Variants in SIK2 observed in about 807,000 individuals in gnomAD.
The protein encoded by SIK2 is salt inducible kinase 2.
SIK2 carries 29 observed loss-of-function variants against 103.2 expected under a neutral mutation model. The observed-to-expected ratio is 0.28, with a 90% confidence interval of 0.21 to 0.38. The LOEUF is 0.38. Among genes scored for constraint, SIK2 ranks in the 10% least tolerant of loss-of-function variants. SIK2 has a pLI of 1.00. For missense variants in SIK2, 879 were observed against 1,171.0 expected, an observed-to-expected ratio of 0.75 and a Z score of 3.64; for synonymous variants, 412 against 446.1, an observed-to-expected ratio of 0.92 and a Z score of 0.96.
chr11:111,657,439 A>T (rs1170842746), intron 3 of SIK2, among the ~76,000 whole-genome samples: 1 of 151,888 alleles, frequency 6.6e-6, no homozygotes, highest in Non-Finnish European at 1.5e-5. Flanking sequence ...GCCCAGGCTG[A>T]AGTGCAGTGG....
intron 1 of SIK2, among the ~76,000 whole-genome samples, chr11:111,612,970 G>A (rs1435426013): frequency 7.2e-6 from 1 of 138,648 alleles, no homozygotes; most frequent in Non-Finnish European, 1.5e-5. Flanking sequence ...GATCATAGAT[G>A]GATAAAGTCT....
chr11:111,658,062 A>T (rs12360825), intron 3 of SIK2, among the ~76,000 whole-genome samples: 93,865 of 150,946 alleles, frequency 0.62, 32,068 homozygotes, highest in East Asian at 0.96. Context: ...AGATGATTTT[A>T]ATTTACTTAT....
At chr11:111,678,784 A>T (rs1194929548) in intron 3 of SIK2, among the ~76,000 whole-genome samples, 1 of 152,228 alleles carries the variant, frequency 6.6e-6, no homozygotes, top group Non-Finnish European at 1.5e-5. Context: ...CAGGAAAAAA[A>T]AATTGCTATG....
intron 1 of SIK2, among the ~76,000 whole-genome samples, chr11:111,610,486 T>TAA (rs373176733): frequency 1.8e-5 from 2 of 108,522 alleles, no homozygotes; most frequent in Non-Finnish European, 3.9e-5. Flanking sequence ...AGACTCTGTC[T>TAA]AAAAAAAAAA....
At chr11:111,651,011 CTT>C (rs1283766497) in intron 3 of SIK2, among the ~76,000 whole-genome samples, 1 of 152,054 alleles carries the variant, frequency 6.6e-6, no homozygotes, top group Non-Finnish European at 1.5e-5. Context: ...GGACCTCTGT[CTT>C]TTAGGAGCAC....
chr11:111,637,393 G>A, intron 3 of SIK2, among the ~76,000 whole-genome samples: 1 of 144,998 alleles, frequency 6.9e-6, no homozygotes, highest in South Asian at 2.2e-4. Context: ...GTGCAGATTT[G>A]TTACATAGGT....
chr11:111,663,613 C>T (rs1479969457), intron 3 of SIK2, among the ~76,000 whole-genome samples: 1 of 152,156 alleles, frequency 6.6e-6, no homozygotes, highest in Non-Finnish European at 1.5e-5. Flanking sequence ...GTTACTTTGA[C>T]TTCTGTGTGG....
At position 111,602,456 on chromosome 11, in the gene SIK2, G is replaced by A; in HGVS notation, c.-108G>A. On this transcript the variant is annotated 5_prime_UTR_variant, in exon 1 of 15. Transcript: ENST00000304987. The surrounding 1 kb of genome is among the most constrained non-coding windows in gnomAD (Gnocchi z 4.5). ...CCCTGGGGAGCGGGAGGGAAGGAGC[G>A]AAGGAGCGAAGGAGCAAGCGGAGCG... The A allele has an allele frequency of 8.0e-7, 1 of 1,243,676 alleles. No individual in the cohort carries two copies. The highest frequency in any genetic ancestry group is 3.9e-5 in the Admixed American group (1 of 25,678). 77.0% of individuals were successfully genotyped at this position (1,243,676 alleles called of 1,614,324 possible).
At chr11:111,719,505 A>C (rs917309688) in intron 9 of SIK2, among the ~76,000 whole-genome samples, 2 of 152,164 alleles carry the variant, frequency 1.3e-5, no homozygotes, top group Middle Eastern at 3.4e-3. Context: ...AAACCACTAA[A>C]AAAGTTGTTT....
At chr11:111,684,009 C>T (rs542767104) in intron 3 of SIK2, among the ~76,000 whole-genome samples, 8 of 152,108 alleles carry the variant, frequency 5.3e-5, no homozygotes, top group Non-Finnish European at 1.0e-4. Context: ...GAATGCCTGC[C>T]GAGATTTTCA....
chr11:111,646,796 AT>A (rs1565329288), intron 3 of SIK2, among the ~76,000 whole-genome samples: 2 of 152,218 alleles, frequency 1.3e-5, no homozygotes, highest in African/African-American at 4.8e-5. Context: ...TCTGTGATTC[AT>A]TCCTTTTTAT....
chr11:111,655,395 C>G (rs1269770450), intron 3 of SIK2, among the ~76,000 whole-genome samples: 1 of 152,194 alleles, frequency 6.6e-6, no homozygotes, highest in African/African-American at 2.4e-5. Flanking sequence ...CAGAGCGAGA[C>G]TCTGTCTCAA....
chr11:111,726,038 C>A lies in SIK2; in HGVS notation c.*1909C>A, dbSNP rs1943954499. ...ATTGATGATTTCGTGAAATAAAGAA[C>A]ATCATTTCATTTAAGAGATCATTTC... On this transcript the variant is annotated 3_prime_UTR_variant, in exon 15 of 15. Transcript: ENST00000304987. 6.6e-6 allele frequency: 1 copy of A among 152,194 alleles called. No homozygotes were observed. The highest frequency in any genetic ancestry group is 1.5e-5 in the Non-Finnish European group (1 of 68,032). The allele number at this position is 152,194 out of a possible 1,614,324, so 9.4% of individuals were successfully genotyped here.
intron 3 of SIK2, among the ~76,000 whole-genome samples, chr11:111,646,758 T>C (rs1315067112): frequency 2.6e-5 from 4 of 152,378 alleles, no homozygotes; most frequent in Admixed American, 2.6e-4. Context: ...GCATAACTTT[T>C]CGAGATTCAT....
At chr11:111,720,794 C>A in intron 11 of SIK2, 32 bp downstream of exon 11, 1 of 1,569,258 alleles carries the variant, frequency 6.4e-7, no homozygotes, top group Non-Finnish European at 8.6e-7. Flanking sequence ...TTTTGAAACT[C>A]GCGTCGTAGG....
chr11:111,607,958 C>T (rs1941669572), intron 1 of SIK2, among the ~76,000 whole-genome samples: 1 of 152,152 alleles, frequency 6.6e-6, no homozygotes, highest in Admixed American at 6.5e-5. Context: ...TGAAACTGGC[C>T]TATCTTCTTG....
chr11:111,662,179 T>C (rs1942476024), intron 3 of SIK2, among the ~76,000 whole-genome samples: 2 of 152,148 alleles, frequency 1.3e-5, no homozygotes, highest in South Asian at 4.1e-4. Flanking sequence ...ACAGAAGAGA[T>C]TGGAAACGTA....
Position 111,701,711 on chromosome 11 carries a change from A to G in SIK2, c.727+136A>G, listed in dbSNP as rs1591628744. ...CTGAGCTGTAGGTTAAAAGCTATAG[A>G]AAGAAGCAACCTCCTTTATGTAGGC... On this transcript the variant is annotated intron_variant, in intron 6 of 14. Transcript: ENST00000304987. This position sits in a 1 kb window ranked among gnomAD's most constrained non-coding sequence, Gnocchi z 4.2. 1 of 1,115,372 alleles carries G rather than the reference A, an allele frequency of 9.0e-7. No homozygotes were observed. Among genetic ancestry groups the G allele is most frequent in the Non-Finnish European group, 1.2e-6 (1 of 808,368 alleles). 69.1% of individuals were successfully genotyped at this position (1,115,372 alleles called of 1,614,324 possible). A position where few individuals can be genotyped will look rare whatever the true frequency, so the allele number is the denominator to read the frequency against.
intron 3 of SIK2, among the ~76,000 whole-genome samples, chr11:111,656,092 AG>A (rs1171622996): frequency 6.6e-6 from 1 of 150,950 alleles, no homozygotes; most frequent in Non-Finnish European, 1.5e-5. Context: ...CAGGAGGCTG[AG>A]GTGAGACGAT....
Sources: gnomAD v4.1 joint callset for allele counts (sites outside exome capture counted in the v4.1 genomes callset) on GRCh38, gnomAD v4.1.1 for gene constraint, Gnocchi (gnomAD v3.1) non-coding constraint, MANE v1.5 for transcripts, NCBI Gene and HGNC (gene_info 2026-07-23, HGNC 2026-07-21) for gene names.